Variants in ADAMTS9 observed in about 807,000 individuals in gnomAD.
The protein encoded by ADAMTS9 is A disintegrin and metalloproteinase with thrombospondin motifs 9.
Under a neutral mutation model 257.1 loss-of-function variants are expected in ADAMTS9, and 107 were observed. That is an observed-to-expected ratio of 0.42 (90% confidence interval 0.36 to 0.49). The LOEUF is 0.49. Among genes scored for constraint, ADAMTS9 ranks in the 20% least tolerant of loss-of-function variants. The pLI is 0.03. For missense variants in ADAMTS9, 2,353 were observed against 2,469.1 expected (o/e 0.95, Z 1.00); for synonymous variants, 982 against 880.9 (o/e 1.11, Z -2.03).
At position 64,614,508 on chromosome 3, in the gene ADAMTS9, G is replaced by A. The variant is rs117463515; in HGVS notation, c.3189+813C>T. 4.2e-4 allele frequency among the ~76,000 whole-genome samples: 64 copies of A among 152,302 alleles called. 1 individual carries two copies. The East Asian group carries it at 9.9e-3, about 23-fold the overall frequency. Reference sequence around the variant, plus strand: ...GGATAAGAGCATGGATGTAGGAGCTGTAGCAGGGAGACTTTTTCTTTCCCC... The same window carrying A: ...GGATAAGAGCATGGATGTAGGAGCTATAGCAGGGAGACTTTTTCTTTCCCC... On this transcript the variant is annotated intron_variant, in intron 21 of 39. Coordinates refer to ENST00000498707, the MANE Select transcript of ADAMTS9 (RefSeq NM_182920.2).
intron 11 of ADAMTS9, 33 bp from the exon 12 acceptor site, chr3:64,642,026 T>C: frequency 6.2e-7 from 1 of 1,612,018 alleles, no homozygotes. Context: ...TGAGGGAGAC[T>C]TGGCGCTGTG....
chr3:64,567,069 G>A (rs1366349033), intron 29 of ADAMTS9, among the ~76,000 whole-genome samples: 7 of 152,138 alleles, frequency 4.6e-5, no homozygotes, highest in Non-Finnish European at 1.0e-4. Context: ...GGCCTTGAGA[G>A]GCATGAGGCC....
At chr3:64,614,148 A>G (rs542725723) in intron 21 of ADAMTS9, among the ~76,000 whole-genome samples, 3 of 152,244 alleles carry the variant, frequency 2.0e-5, no homozygotes, top group Non-Finnish European at 2.9e-5. Context: ...TTTGGATTAT[A>G]GTGAATTTAC....
chr3:64,547,614 G>A (rs1274253092), intron 31 of ADAMTS9, among the ~76,000 whole-genome samples: 1 of 147,862 alleles, frequency 6.8e-6, no homozygotes, highest in Non-Finnish European at 1.5e-5. Flanking sequence ...CCAGGTTCAA[G>A]TGATTCTCAT....
At chr3:64,542,431 T>TTTCTTTC (rs1491423048) in intron 32 of ADAMTS9, among the ~76,000 whole-genome samples, 1 of 2,560 alleles carries the variant, frequency 3.9e-4, no homozygotes, top group Non-Finnish European at 5.5e-3. Context: ...TCTTTCTTTC[T>TTTCTTTC]TTTTTTTTTT....
At chr3:64,573,332 G>T (rs76542869) in intron 28 of ADAMTS9, among the ~76,000 whole-genome samples, 1,590 of 152,210 alleles carry the variant, frequency 0.01, 59 homozygotes, top group East Asian at 0.073. Flanking sequence ...TGAAATGGGG[G>T]TGCTGACCAA....
chr3:64,535,873 T>A (rs1375962374), intron 37 of ADAMTS9, among the ~76,000 whole-genome samples: 1 of 151,898 alleles, frequency 6.6e-6, no homozygotes, highest in Admixed American at 6.6e-5. Flanking sequence ...CTTATCTTAC[T>A]ATCATTCCTG....
At chr3:64,613,608 C>G in intron 21 of ADAMTS9, 99 bp from the exon 22 acceptor site, 1 of 1,165,034 alleles carries the variant, frequency 8.6e-7, no homozygotes, top group Non-Finnish European at 1.2e-6. Flanking sequence ...TGTCCTTTTC[C>G]CACAGCAATC....
At chr3:64,524,613 A>G (rs1342086608) in intron 38 of ADAMTS9, among the ~76,000 whole-genome samples, 1 of 152,202 alleles carries the variant, frequency 6.6e-6, no homozygotes, top group African/African-American at 2.4e-5. Context: ...AGTTATTATG[A>G]TTGTATTTTG....
intron 28 of ADAMTS9, among the ~76,000 whole-genome samples, chr3:64,573,134 A>G (rs1225671582): frequency 3.3e-5 from 5 of 151,990 alleles, no homozygotes; most frequent in African/African-American, 1.2e-4. Context: ...AGGGGCTTAG[A>G]AAAAGCACTA....
At chr3:64,593,981 G>C (rs2084311861) in intron 28 of ADAMTS9, among the ~76,000 whole-genome samples, 1 of 151,438 alleles carries the variant, frequency 6.6e-6, no homozygotes, top group African/African-American at 2.4e-5. Flanking sequence ...GTGTGTGTGT[G>C]TGTGTGTGTG....
intron 30 of ADAMTS9, among the ~76,000 whole-genome samples, chr3:64,559,341 T>TGA: frequency 6.6e-6 from 1 of 152,198 alleles, no homozygotes; most frequent in Admixed American, 6.5e-5. Flanking sequence ...ACTCTGCCAA[T>TGA]GAGAGGCCTC....
intron 21 of ADAMTS9, among the ~76,000 whole-genome samples, chr3:64,614,550 C>T (rs2084725235): frequency 6.6e-6 from 1 of 152,066 alleles, no homozygotes; most frequent in Non-Finnish European, 1.5e-5. Flanking sequence ...CTGATTTGGC[C>T]CATTAAAAAG....
intron 27 of ADAMTS9, among the ~76,000 whole-genome samples, chr3:64,595,104 C>T (rs1393666580): frequency 6.7e-6 from 1 of 149,666 alleles, no homozygotes; most frequent in Non-Finnish European, 1.5e-5. Flanking sequence ...AATAGACAAA[C>T]AAAAACTACC....
At chr3:64,605,829 T>C (rs944875939) in intron 23 of ADAMTS9, among the ~76,000 whole-genome samples, 1 of 152,128 alleles carries the variant, frequency 6.6e-6, no homozygotes, top group East Asian at 1.9e-4. Context: ...ACATATATGC[T>C]TATTTATTAT....
intron 30 of ADAMTS9, among the ~76,000 whole-genome samples, chr3:64,560,852 T>C (rs1052938025): frequency 1.3e-5 from 2 of 152,142 alleles, no homozygotes; most frequent in African/African-American, 4.8e-5. Context: ...TCAGTGGATA[T>C]TGTTTTGCTT....
chr3:64,543,367 C>A (rs1420961216), intron 32 of ADAMTS9, among the ~76,000 whole-genome samples: 1 of 152,128 alleles, frequency 6.6e-6, no homozygotes, highest in Non-Finnish European at 1.5e-5. Context: ...AAAAATCCTT[C>A]ATAAAATACT....
Position 64,631,554 on chromosome 3 carries a change from A to G in ADAMTS9, c.2294-4T>C. 1 of 1,612,184 alleles carries G rather than the reference A, an allele frequency of 6.2e-7. No individual in the cohort carries two copies. Among genetic ancestry groups the G allele is most frequent in the East Asian group, 2.2e-5 (1 of 44,876 alleles). On this transcript the variant is annotated splice_polypyrimidine_tract_variant and splice_region_variant and intron_variant, in intron 15 of 39. Coordinates refer to ENST00000498707, the MANE Select transcript of ADAMTS9 (RefSeq NM_182920.2). ...ATTCGGACCACAGTATTGTAACCTG[A>G]AAAGAATTTAGCAGAAATTCAGTAC...
At chr3:64,665,302 T>C (rs536199568) in intron 3 of ADAMTS9, among the ~76,000 whole-genome samples, 2 of 152,260 alleles carry the variant, frequency 1.3e-5, no homozygotes, top group African/African-American at 2.4e-5. Context: ...AAACAGCCAA[T>C]GTTTGAAGAA....
Sources: gnomAD v4.1 joint callset for allele counts (sites outside exome capture counted in the v4.1 genomes callset) on GRCh38, gnomAD v4.1.1 for gene constraint, MANE v1.5 for transcripts, NCBI Gene and HGNC (gene_info 2026-07-23, HGNC 2026-07-21) for gene names.